Variants in CSMD1 observed in about 807,000 individuals in gnomAD.
CSMD1 encodes CUB and Sushi multiple domains 1.
In CSMD1, 213 loss-of-function variants were observed where a neutral mutation model predicts 417.5. The ratio of observed to expected loss-of-function variants is 0.51; its 90% CI spans 0.46 to 0.57. The LOEUF (loss-of-function observed/expected upper bound fraction) is 0.57. Among genes scored for constraint, CSMD1 ranks in the 20% least tolerant of loss-of-function variants. CSMD1 has a pLI of 0.00. For synonymous variants in CSMD1, 2,862 were observed against 1,736.8 expected (o/e 1.65, Z -16.11); for missense variants, 6,923 against 4,529.7 (o/e 1.53, Z -15.17).
intron 7 of CSMD1, among the ~76,000 whole-genome samples, chr8:3,668,032 C>G (rs936657000): frequency 1.3e-5 from 2 of 152,158 alleles, no homozygotes; most frequent in Non-Finnish European, 2.9e-5. Flanking sequence ...GCTTCTCCCC[C>G]AGTCCCCATC....
chr8:4,201,008 G>A (rs1463330843), intron 3 of CSMD1, among the ~76,000 whole-genome samples: 1 of 152,140 alleles, frequency 6.6e-6, no homozygotes, highest in Non-Finnish European at 1.5e-5. Context: ...GTTCATATCA[G>A]TGTGGAAGGC....
intron 3 of CSMD1, among the ~76,000 whole-genome samples, chr8:4,174,956 A>T (rs1797962638): frequency 6.6e-6 from 1 of 151,302 alleles, no homozygotes; most frequent in Non-Finnish European, 1.5e-5. Flanking sequence ...AAGTCTTTAA[A>T]ATTAGTATTG....
intron 5 of CSMD1, among the ~76,000 whole-genome samples, chr8:3,807,423 C>A (rs907004111): frequency 6.9e-5 from 9 of 130,326 alleles, no homozygotes; most frequent in African/African-American, 2.3e-4. Context: ...GATGTTTTCT[C>A]TGATTTTTTT....
At chr8:4,796,685 A>T (rs1010228422) in intron 1 of CSMD1, among the ~76,000 whole-genome samples, 1 of 152,154 alleles carries the variant, frequency 6.6e-6, no homozygotes, top group Admixed American at 6.5e-5. Flanking sequence ...AACGTGGTGG[A>T]CTCATCCATT....
intron 1 of CSMD1, among the ~76,000 whole-genome samples, chr8:4,881,949 A>T (rs981580196): frequency 6.6e-6 from 1 of 152,054 alleles, no homozygotes; most frequent in African/African-American, 2.4e-5. Flanking sequence ...AATCAGCTTC[A>T]TGCAATGAAA....
At position 4,313,152 on chromosome 8, in the gene CSMD1, G is replaced by C. The variant is rs145513649; in HGVS notation, c.415+106801C>G. Among the ~76,000 whole-genome samples, 647 of 152,252 alleles carry C rather than the reference G, an allele frequency of 4.2e-3. 9 individuals are homozygous for C. Among genetic ancestry groups the C allele is most frequent in the South Asian group, 0.035 (167 of 4,818 alleles). Reference sequence around the variant, plus strand: ...TTAGACAGTGAGCAAGCTGGAACTGGTCTTTAATTTCTAATCTACTAAATG... The same window carrying C: ...TTAGACAGTGAGCAAGCTGGAACTGCTCTTTAATTTCTAATCTACTAAATG... On this transcript the variant is annotated intron_variant, in intron 3 of 69. Coordinates refer to ENST00000635120, the MANE Select transcript of CSMD1 (RefSeq NM_033225.6).
At chr8:4,151,590 GAT>G (rs1389854512) in intron 3 of CSMD1, among the ~76,000 whole-genome samples, 2 of 152,094 alleles carry the variant, frequency 1.3e-5, no homozygotes. Context: ...ATCCTTGTCA[GAT>G]ATGTTTCTCA....
chr8:4,194,147 G>A (rs1171399888), intron 3 of CSMD1, among the ~76,000 whole-genome samples: 1 of 152,062 alleles, frequency 6.6e-6, no homozygotes, highest in Non-Finnish European at 1.5e-5. Flanking sequence ...AAATGACCAA[G>A]AAAACAATTA....
chr8:3,493,769 T>C, intron 10 of CSMD1, 43 bp from the exon 11 acceptor site: 1 of 1,511,918 alleles, frequency 6.6e-7, no homozygotes, highest in Non-Finnish European at 9.1e-7. Flanking sequence ...CAACAGGTAC[T>C]TCCCATGACT....
At chr8:4,286,451 A>G (rs1563391089) in intron 3 of CSMD1, among the ~76,000 whole-genome samples, 2 of 152,126 alleles carry the variant, frequency 1.3e-5, no homozygotes, top group East Asian at 1.9e-4. Context: ...GTCGGTTGCA[A>G]TATGAATTAC....
At chr8:3,381,748 C>A (rs1810641546) in intron 18 of CSMD1, among the ~76,000 whole-genome samples, 1 of 151,990 alleles carries the variant, frequency 6.6e-6, no homozygotes, top group Non-Finnish European at 1.5e-5. Flanking sequence ...TCAAATAATA[C>A]CAAAAAATGT....
chr8:3,079,183 G>A (rs1016272172), intron 49 of CSMD1, among the ~76,000 whole-genome samples: 2 of 152,138 alleles, frequency 1.3e-5, no homozygotes, highest in Admixed American at 6.6e-5. Context: ...AAGGGCAACT[G>A]GGATAAACCT....
intron 2 of CSMD1, among the ~76,000 whole-genome samples, chr8:4,473,454 G>C (rs1800641767): frequency 6.6e-6 from 1 of 152,134 alleles, no homozygotes; most frequent in Non-Finnish European, 1.5e-5. Flanking sequence ...TCATAAGCAA[G>C]GATTTCACAA....
intron 8 of CSMD1, among the ~76,000 whole-genome samples, chr8:3,601,493 C>T (rs1021661449): frequency 2.0e-5 from 3 of 152,158 alleles, no homozygotes; most frequent in African/African-American, 7.2e-5. Flanking sequence ...ATACACCAGG[C>T]AGGCCAATGG....
intron 23 of CSMD1, among the ~76,000 whole-genome samples, chr8:3,333,955 G>T (rs540044944): frequency 2.0e-5 from 3 of 152,270 alleles, no homozygotes; most frequent in Admixed American, 6.5e-5. Flanking sequence ...TTTGAGGACT[G>T]CCCCTCAGCT....
intron 5 of CSMD1, among the ~76,000 whole-genome samples, chr8:3,966,028 G>C (rs1289297013): frequency 6.6e-6 from 1 of 152,184 alleles, no homozygotes; most frequent in Non-Finnish European, 1.5e-5. Flanking sequence ...GAAAGAAGCA[G>C]AAGACACTGG....
intron 3 of CSMD1, among the ~76,000 whole-genome samples, chr8:4,401,508 C>A (rs536853659): frequency 6.6e-6 from 1 of 152,264 alleles, no homozygotes; most frequent in Admixed American, 6.5e-5. Flanking sequence ...AGGAGAACCT[C>A]CCAGGTCAGC....
intron 57 of CSMD1, among the ~76,000 whole-genome samples, chr8:2,967,262 G>C (rs1015946916): frequency 1.3e-5 from 2 of 152,176 alleles, no homozygotes; most frequent in African/African-American, 4.8e-5. Context: ...TCAGAAGTAT[G>C]AATGACTGTA....
intron 41 of CSMD1, among the ~76,000 whole-genome samples, chr8:3,141,822 G>C (rs1238387228): frequency 2.0e-5 from 3 of 149,034 alleles, no homozygotes; most frequent in Non-Finnish European, 3.0e-5. Flanking sequence ...TTCTGAGATG[G>C]AGTCTGGCTC....
Sources: allele counts gnomAD v4.1 joint callset (sites outside exome capture counted in the v4.1 genomes callset), GRCh38; gene constraint gnomAD v4.1.1; transcripts MANE v1.5; gene names NCBI Gene and HGNC (gene_info 2026-07-23, HGNC 2026-07-21).